MAST4: variants seen among roughly 807,000 people sequenced by gnomAD.
MAST4 encodes microtubule associated serine/threonine kinase family member 4.
In MAST4, 89 loss-of-function variants were observed where a neutral mutation model predicts 162.7. The observed-to-expected ratio is 0.55, with a 90% CI of 0.46 to 0.65. MAST4 has a LOEUF of 0.65. Among genes scored for constraint, MAST4 ranks in the 30% least tolerant of loss-of-function variants. The pLI is 0.00. For missense variants in MAST4, 3,153 were observed against 3,374.0 expected, an observed-to-expected ratio of 0.93 and a Z score of 1.62; for synonymous variants, 1,479 against 1,361.1, an observed-to-expected ratio of 1.09 and a Z score of -1.91.
At chr5:66,847,836 A>AG in intron 3 of MAST4, among the ~76,000 whole-genome samples, 1 of 150,932 alleles carries the variant, frequency 6.6e-6, no homozygotes, top group Non-Finnish European at 1.5e-5. Flanking sequence ...AAAAAAAAAA[A>AG]AAAAAAAGAA....
At chr5:66,851,742 G>A (rs1159964549) in intron 3 of MAST4, among the ~76,000 whole-genome samples, 1 of 152,074 alleles carries the variant, frequency 6.6e-6, no homozygotes, top group Non-Finnish European at 1.5e-5. Context: ...GCGTTTCCTT[G>A]GTGCAGACTT....
chr5:66,902,464 C>T (rs457787), intron 4 of MAST4, among the ~76,000 whole-genome samples: 81,585 of 151,878 alleles, frequency 0.54, 22,316 homozygotes, highest in Middle Eastern at 0.61. Context: ...TAAAAACATA[C>T]ATTAAATTGA....
At chr5:66,931,243 A>T (rs935470124) in intron 4 of MAST4, among the ~76,000 whole-genome samples, 1 of 152,270 alleles carries the variant, frequency 6.6e-6, no homozygotes, top group East Asian at 1.9e-4. Flanking sequence ...CTCACTGAAT[A>T]TGTTTATCCT....
At chr5:66,876,131 G>T (rs1167381594) in intron 3 of MAST4, among the ~76,000 whole-genome samples, 2 of 152,200 alleles carry the variant, frequency 1.3e-5, no homozygotes, top group Non-Finnish European at 2.9e-5. Context: ...AGCCATGGAG[G>T]AATATAAATT....
At chr5:66,654,602 A>G (rs1746431373) in intron 1 of MAST4, among the ~76,000 whole-genome samples, 1 of 152,146 alleles carries the variant, frequency 6.6e-6, no homozygotes, top group Admixed American at 6.5e-5. Context: ...TTGAATACAA[A>G]TTAATTATCA....
At chr5:66,872,413 A>T (rs1045949676) in intron 3 of MAST4, among the ~76,000 whole-genome samples, 1 of 152,038 alleles carries the variant, frequency 6.6e-6, no homozygotes, top group Admixed American at 6.6e-5. Context: ...CAGGTGATCC[A>T]CCTGCCTCGG....
chr5:66,952,820 C>T (rs997878028), intron 4 of MAST4, among the ~76,000 whole-genome samples: 1 of 152,174 alleles, frequency 6.6e-6, no homozygotes, highest in African/African-American at 2.4e-5. Context: ...GAAGCTTGCC[C>T]ATCATCTCAT....
At chr5:66,626,777 G>C (rs2149415417) in intron 1 of MAST4, among the ~76,000 whole-genome samples, 1 of 152,290 alleles carries the variant, frequency 6.6e-6, no homozygotes, top group Admixed American at 6.5e-5. Context: ...TGAGGGTTGA[G>C]ATTTCTGTTA....
intron 4 of MAST4, among the ~76,000 whole-genome samples, chr5:67,034,171 C>T (rs1189179789): frequency 2.6e-5 from 4 of 152,108 alleles, no homozygotes; most frequent in African/African-American, 7.2e-5. Context: ...CTAGAGAGTT[C>T]GTAATTGTTC....
At chr5:66,678,547 T>C (rs1052110183) in intron 1 of MAST4, among the ~76,000 whole-genome samples, 1 of 151,120 alleles carries the variant, frequency 6.6e-6, no homozygotes, top group Non-Finnish European at 1.5e-5. Context: ...CAGGCTGGAG[T>C]GCAGTGACAC....
At chr5:67,136,206 G>T (rs965034420) in intron 18 of MAST4, among the ~76,000 whole-genome samples, 4 of 152,182 alleles carry the variant, frequency 2.6e-5, no homozygotes, top group African/African-American at 9.7e-5. Flanking sequence ...AAATGGAAGT[G>T]TTTAGAGTTT....
intron 4 of MAST4, among the ~76,000 whole-genome samples, chr5:67,009,398 G>C (rs1160439176): frequency 1.3e-5 from 2 of 152,168 alleles, no homozygotes; most frequent in Non-Finnish European, 2.9e-5. Context: ...GCTTAGTATT[G>C]CTGAAGCAGA....
At chr5:66,597,284 G>C (rs922759353) in intron 1 of MAST4, among the ~76,000 whole-genome samples, 1 of 152,220 alleles carries the variant, frequency 6.6e-6, no homozygotes. Context: ...AAACTCCTTC[G>C]TGTTTGTATC....
intron 1 of MAST4, among the ~76,000 whole-genome samples, chr5:66,637,369 G>A (rs1246187392): frequency 2.6e-5 from 4 of 151,674 alleles, no homozygotes; most frequent in East Asian, 1.9e-4. Flanking sequence ...GAGTAGATAC[G>A]TTTTTAAAAT....
intron 1 of MAST4, among the ~76,000 whole-genome samples, chr5:66,656,544 G>A (rs1746561588): frequency 6.6e-6 from 1 of 152,158 alleles, no homozygotes; most frequent in Admixed American, 6.5e-5. Context: ...TTGGGCAAGA[G>A]GAAGCATTGA....
chr5:66,722,020 T>A (rs112320862), intron 1 of MAST4, among the ~76,000 whole-genome samples: 1,864 of 152,100 alleles, frequency 0.012, 21 homozygotes, highest in Middle Eastern at 0.051. Context: ...ACTGCTGTAG[T>A]CTCCTAAGTT....
chr5:66,992,266 G>C (rs1409721670), intron 4 of MAST4, among the ~76,000 whole-genome samples: 2 of 152,080 alleles, frequency 1.3e-5, no homozygotes, highest in Non-Finnish European at 2.9e-5. Context: ...TAGTAAATAA[G>C]TCATCTACTC....
chr5:66,916,909 C>T, intron 4 of MAST4: 2 of 699,968 alleles, frequency 2.9e-6, no homozygotes, highest in South Asian at 1.6e-5. Flanking sequence ...TCTCCCCTCC[C>T]CACAACAAAC....
intron 5 of MAST4, among the ~76,000 whole-genome samples, chr5:67,078,864 ATATATATT>A (rs1762092043): frequency 8.9e-6 from 1 of 112,350 alleles, no homozygotes; most frequent in South Asian, 2.4e-4. Flanking sequence ...ATTTATATAA[ATATATATT>A]TATATAAATA....
Sources: gnomAD v4.1 joint callset for allele counts (sites outside exome capture counted in the v4.1 genomes callset) on GRCh38, gnomAD v4.1.1 for gene constraint, MANE v1.5 for transcripts, NCBI Gene and HGNC (gene_info 2026-07-23, HGNC 2026-07-21) for gene names.